CCDC91: variants seen among roughly 807,000 people sequenced by gnomAD.
CCDC91 encodes the protein coiled-coil domain-containing protein 91.
Under a neutral mutation model 63.2 loss-of-function variants are expected in CCDC91, and 48 were observed. The observed-to-expected ratio is 0.76, with a 90% CI of 0.60 to 0.97. CCDC91 has a LOEUF of 0.97. Ranked by LOEUF, CCDC91 falls within the 50% of genes least tolerant of loss-of-function variation. CCDC91 has a pLI of 0.00. For synonymous variants in CCDC91, 167 were observed against 165.8 expected, an observed-to-expected ratio of 1.01 and a Z score of -0.06; for missense variants, 500 against 494.6, an observed-to-expected ratio of 1.01 and a Z score of -0.10.
chr12:28,452,446 C>T, intron 10 of CCDC91, 32 bp from the exon 11 acceptor site: 1 of 1,435,474 alleles, frequency 7.0e-7, no homozygotes, highest in Non-Finnish European at 9.5e-7. Flanking sequence ...TGCAGTCTTT[C>T]AAATTTGTTC....
intron 12 of CCDC91, among the ~76,000 whole-genome samples, chr12:28,506,236 GTA>G (rs1272678609): frequency 6.6e-6 from 1 of 151,948 alleles, no homozygotes; most frequent in Non-Finnish European, 1.5e-5. Flanking sequence ...ACCAGACTTG[GTA>G]ATGGGTAAAG....
intron 8 of CCDC91, among the ~76,000 whole-genome samples, chr12:28,431,187 T>C (rs146792439): frequency 6.6e-6 from 1 of 152,172 alleles, no homozygotes; most frequent in Admixed American, 6.6e-5. Context: ...TTCACATATG[T>C]TTGAAAAGAA....
Position 28,259,369 on chromosome 12 carries a change from G to A in CCDC91, c.36G>A (p.Ala12=), listed in dbSNP as rs201306266. The A allele has an allele frequency of 1.7e-4, 267 of 1,610,774 alleles. No homozygotes were observed. Among genetic ancestry groups the A allele is most frequent in the Admixed American group, 2.3e-4 (14 of 59,796 alleles). The change falls in exon 3 of 13, where the codon GCG becomes GCA. Residue 12 remains alanine (A), a synonymous_variant. Coordinates refer to ENST00000536442, the MANE Select transcript of CCDC91 (RefSeq NM_018318.5). ...DDDDFGGFEA[A]ETFDGGSGET... ...ATCTTGCCTTTGTCTTGTAGGCTGCGGAGACTTTTGATGGTGGAAGTGGTG... is the reference window on the plus strand; with the variant it reads ...ATCTTGCCTTTGTCTTGTAGGCTGCAGAGACTTTTGATGGTGGAAGTGGTG...
rs769323541 is a variant in CCDC91 at position 28,330,923 on chromosome 12, G to T, written c.576+23174G>T. 3.9e-5 allele frequency among the ~76,000 whole-genome samples: 6 copies of T among 152,114 alleles called. 1 individual carries two copies. Among genetic ancestry groups the T allele is most frequent in the Non-Finnish European group, 1.5e-5 (1 of 68,004 alleles). On this transcript the variant is annotated intron_variant, in intron 6 of 12. Coordinates refer to ENST00000536442, the MANE Select transcript of CCDC91 (RefSeq NM_018318.5). ...ACAAACCAAAAACCCCTCAGATATT[G>T]GAGAAAGCCTATTGAGAAGAGATTG...
intron 7 of CCDC91, among the ~76,000 whole-genome samples, chr12:28,370,649 T>G (rs1944559677): frequency 6.6e-6 from 1 of 152,166 alleles, no homozygotes; most frequent in Non-Finnish European, 1.5e-5. Flanking sequence ...CAGTACCAAT[T>G]TTTTGTATTA....
intron 12 of CCDC91, among the ~76,000 whole-genome samples, chr12:28,488,706 A>G (rs565808529): frequency 3.9e-5 from 6 of 152,020 alleles, no homozygotes; most frequent in South Asian, 2.1e-4. Context: ...GACATTTCCA[A>G]TATAACTTAT....
intron 1 of CCDC91, among the ~76,000 whole-genome samples, chr12:28,195,423 A>G (rs1941686516): frequency 6.6e-6 from 1 of 151,830 alleles, no homozygotes; most frequent in African/African-American, 2.4e-5. Flanking sequence ...CCGGAAGTCC[A>G]GCCGGCTTCA....
At chr12:28,209,141 A>G (rs775388617) in intron 1 of CCDC91, among the ~76,000 whole-genome samples, 6 of 152,162 alleles carry the variant, frequency 3.9e-5, no homozygotes, top group Non-Finnish European at 5.9e-5. Context: ...ATATTGTTCA[A>G]GAGAGAAAGC....
intron 8 of CCDC91, among the ~76,000 whole-genome samples, chr12:28,409,734 G>T (rs1372154982): frequency 6.6e-6 from 1 of 151,824 alleles, no homozygotes; most frequent in African/African-American, 2.4e-5. Flanking sequence ...ATTTTCAAAG[G>T]TCATGTTTTC....
At chr12:28,238,630 T>C (rs1306093705) in intron 1 of CCDC91, among the ~76,000 whole-genome samples, 1 of 152,194 alleles carries the variant, frequency 6.6e-6, no homozygotes, top group Admixed American at 6.5e-5. Context: ...AGCATTTGTT[T>C]CTAGTGGCAA....
At chr12:28,460,079 A>C (rs1950233098) in intron 11 of CCDC91, among the ~76,000 whole-genome samples, 1 of 152,100 alleles carries the variant, frequency 6.6e-6, no homozygotes, top group South Asian at 2.1e-4. Flanking sequence ...AGCTCTTCAG[A>C]CTCAATTTGA....
intron 11 of CCDC91, among the ~76,000 whole-genome samples, chr12:28,465,121 C>G (rs1462846622): frequency 6.6e-6 from 1 of 152,174 alleles, no homozygotes; most frequent in African/African-American, 2.4e-5. Flanking sequence ...TGAGGCTCCT[C>G]TACCTTTGGA....
chr12:28,402,295 T>G (rs1422661465), intron 8 of CCDC91, among the ~76,000 whole-genome samples: 1 of 152,190 alleles, frequency 6.6e-6, no homozygotes, highest in East Asian at 1.9e-4. Context: ...TTTTGAATAG[T>G]TCTTTGATTT....
chr12:28,308,150 A>G (rs1215700341), intron 6 of CCDC91, among the ~76,000 whole-genome samples: 1 of 151,910 alleles, frequency 6.6e-6, no homozygotes, highest in Non-Finnish European at 1.5e-5. Flanking sequence ...TATTTCTTCT[A>G]CAGTCTAACC....
At chr12:28,271,926 A>G (rs1474212897) in intron 3 of CCDC91, among the ~76,000 whole-genome samples, 2 of 149,314 alleles carry the variant, frequency 1.3e-5, no homozygotes, top group East Asian at 1.9e-4. Flanking sequence ...TAGATATTAT[A>G]TATATAAGTC....
At chr12:28,290,904 G>A (rs1342870167) in intron 3 of CCDC91, among the ~76,000 whole-genome samples, 1 of 151,998 alleles carries the variant, frequency 6.6e-6, no homozygotes, top group African/African-American at 2.4e-5. Flanking sequence ...AGTTTTTTAT[G>A]TTTATCAAGA....
At chr12:28,388,673 A>G (rs1050669247) in intron 7 of CCDC91, among the ~76,000 whole-genome samples, 4 of 152,188 alleles carry the variant, frequency 2.6e-5, no homozygotes, top group Non-Finnish European at 5.9e-5. Context: ...GAAAATGACC[A>G]TACTGCCAAC....
chr12:28,429,101 A>T (rs1400543377), intron 8 of CCDC91, among the ~76,000 whole-genome samples: 3 of 152,148 alleles, frequency 2.0e-5, no homozygotes, highest in Non-Finnish European at 4.4e-5. Flanking sequence ...CCAGCAGGAA[A>T]TCGTGCAAAC....
chr12:28,372,605 G>A (rs1431069358), intron 7 of CCDC91, among the ~76,000 whole-genome samples: 1 of 151,374 alleles, frequency 6.6e-6, no homozygotes, highest in South Asian at 2.1e-4. Flanking sequence ...TGTAGCTATT[G>A]TAAATGGATT....
Sources: allele counts gnomAD v4.1 joint callset (sites outside exome capture counted in the v4.1 genomes callset), GRCh38; gene constraint gnomAD v4.1.1; transcripts MANE v1.5; gene names NCBI Gene and HGNC (gene_info 2026-07-23, HGNC 2026-07-21).